Variants in WWP2 observed in about 807,000 individuals in gnomAD.
WWP2 encodes NEDD4-like E3 ubiquitin-protein ligase WWP2.
Under a neutral mutation model 121.0 loss-of-function variants are expected in WWP2, and 57 were observed. The observed-to-expected ratio is 0.47, with a 90% CI of 0.38 to 0.59. The LOEUF (loss-of-function observed/expected upper bound fraction) is 0.59, where lower values mean the gene tolerates loss of function less well. WWP2 is among the 20% of genes least tolerant of loss of function. The pLI is 0.00. For synonymous variants in WWP2, 449 were observed against 441.3 expected, an observed-to-expected ratio of 1.02 and a Z score of -0.22; for missense variants, 962 against 1,158.9, an observed-to-expected ratio of 0.83 and a Z score of 2.47.
At chr16:69,803,585 T>G (rs187680794) in intron 4 of WWP2, among the ~76,000 whole-genome samples, 1 of 151,368 alleles carries the variant, frequency 6.6e-6, no homozygotes, top group Non-Finnish European at 1.5e-5. Flanking sequence ...CCTGCTTTTT[T>G]GTGTGTGTGT....
intron 8 of WWP2, among the ~76,000 whole-genome samples, chr16:69,904,989 T>C (rs367985538): frequency 1.1e-4 from 17 of 152,016 alleles, no homozygotes; most frequent in African/African-American, 4.1e-4. Context: ...AAATTAGGAG[T>C]ATATGTTTTT....
chr16:69,872,890 G>C (rs1014177396), intron 7 of WWP2, among the ~76,000 whole-genome samples: 2 of 152,182 alleles, frequency 1.3e-5, no homozygotes, highest in South Asian at 4.1e-4. Context: ...TCTCTCATCA[G>C]GACAGAGTCA....
At chr16:69,917,480 G>A (rs1201983684) in intron 9 of WWP2, 1 of 454,294 alleles carries the variant, frequency 2.2e-6, no homozygotes, top group Non-Finnish European at 3.9e-6. Context: ...TGGGAACAGA[G>A]TCAGCTTCCC....
chr16:69,771,376 A>G (rs1197556884), intron 1 of WWP2, among the ~76,000 whole-genome samples: 1 of 152,100 alleles, frequency 6.6e-6, no homozygotes, highest in Non-Finnish European at 1.5e-5. Context: ...GCTCCTGAGT[A>G]GCTGGGATTA....
chr16:69,779,867 C>G (rs1320045136), intron 1 of WWP2, among the ~76,000 whole-genome samples: 3 of 152,170 alleles, frequency 2.0e-5, no homozygotes, highest in Non-Finnish European at 4.4e-5. Flanking sequence ...AAGATACGAT[C>G]TTTTGCTTCC....
At chr16:69,878,536 T>A (rs561382256) in intron 7 of WWP2, among the ~76,000 whole-genome samples, 1 of 152,304 alleles carries the variant, frequency 6.6e-6, no homozygotes, top group East Asian at 1.9e-4. Context: ...TTTTTTAAAA[T>A]TTTCTTATAG....
At position 69,799,624 on chromosome 16, in the gene WWP2, C is replaced by A. The variant is rs8046469; in HGVS notation, c.340+329C>A. The A allele has an allele frequency of 0.029, 7,369 of 257,090 alleles. 560 individuals carry two copies. The highest frequency in any genetic ancestry group is 0.15 in the African/African-American group (6,917 of 45,172). The allele number at this position is 257,090 out of a possible 1,614,324, so 15.9% of individuals were successfully genotyped here. On this transcript the variant is annotated intron_variant, in intron 4 of 23. Transcript: ENST00000359154. The surrounding 1 kb of genome is among the most constrained non-coding windows in gnomAD (Gnocchi z 4.5). ...TATGTTGAATGAAACTGTCAAATACCTCTAGCCTAAATCATTGCTTTTCTA... is the reference window on the plus strand; with the variant it reads ...TATGTTGAATGAAACTGTCAAATACATCTAGCCTAAATCATTGCTTTTCTA...
chr16:69,905,863 T>G (rs922744905), intron 8 of WWP2, among the ~76,000 whole-genome samples: 4 of 152,180 alleles, frequency 2.6e-5, no homozygotes, highest in African/African-American at 9.7e-5. Flanking sequence ...AGAGCTGAGT[T>G]TGAATCCCAT....
chr16:69,930,167 A>G lies in WWP2; in HGVS notation c.1354A>G (p.Met452Val). 4 of 1,613,976 alleles carry G rather than the reference A, an allele frequency of 2.5e-6. No homozygotes were observed. Among genetic ancestry groups the G allele is most frequent in the Non-Finnish European group, 3.4e-6 (4 of 1,179,972 alleles). Reference sequence around the variant, plus strand: ...ACCAGCTCTGCCCCCAGGATGGGAGATGAAATACACCAGCGAGGGGGTGCG... The same window carrying G: ...ACCAGCTCTGCCCCCAGGATGGGAGGTGAAATACACCAGCGAGGGGGTGCG... ...QEPALPPGWE[M>V]KYTSEGVRYF... Residue 452 changes from methionine (M) to valine (V), a missense_variant, in exon 13 of 24, where the codon ATG becomes GTG. By Grantham distance (21) the Met-to-Val change is conservative. This residue lies in a region of WWP2 where 606 missense variants were observed against 772.6 expected (regional missense o/e 0.78). Coordinates refer to ENST00000359154, the MANE Select transcript of WWP2 (RefSeq NM_001270454.2).
chr16:69,809,632 G>A (rs1028173316), intron 4 of WWP2, among the ~76,000 whole-genome samples: 1 of 152,136 alleles, frequency 6.6e-6, no homozygotes, highest in African/African-American at 2.4e-5. Context: ...GCTGGACGTG[G>A]TGGTGTGTAT....
intron 6 of WWP2, among the ~76,000 whole-genome samples, chr16:69,868,187 G>C (rs948748433): frequency 6.6e-6 from 1 of 152,180 alleles, no homozygotes; most frequent in Non-Finnish European, 1.5e-5. Flanking sequence ...GTGTGTGTTG[G>C]GGGGTGGTGG....
intron 6 of WWP2, among the ~76,000 whole-genome samples, chr16:69,856,119 A>G (rs911903881): frequency 1.5e-4 from 23 of 152,204 alleles, no homozygotes; most frequent in Non-Finnish European, 3.2e-4. Flanking sequence ...AAAAAGATGT[A>G]TATTTATTTG....
intron 7 of WWP2, among the ~76,000 whole-genome samples, chr16:69,882,545 C>T (rs556289445): frequency 7.9e-5 from 12 of 152,330 alleles, no homozygotes; most frequent in African/African-American, 1.4e-4. Context: ...AACCACACAT[C>T]AGCAAAGTCA....
rs571652248 is a variant in WWP2 at position 69,885,941 on chromosome 16, A to C, written c.704-2098A>C. Among the ~76,000 whole-genome samples the C allele has an allele frequency of 2.0e-5, 3 of 152,226 alleles. No homozygotes were observed. In the East Asian group the frequency reaches 5.8e-4, roughly 29 times the overall value. On this transcript the variant is annotated intron_variant, in intron 7 of 23. Transcript: ENST00000359154. ...TCTGATTTATTATGTTTAGTTCCTG[A>C]TATGATTAGCTAGAAGAGGCAGTAG...
intron 1 of WWP2, among the ~76,000 whole-genome samples, chr16:69,765,699 G>T (rs1234500169): frequency 6.6e-6 from 1 of 152,078 alleles, no homozygotes; most frequent in Non-Finnish European, 1.5e-5. Flanking sequence ...TGGCACATGT[G>T]TCTAATTCCA....
At chr16:69,900,454 C>T (rs1483839755) in intron 8 of WWP2, among the ~76,000 whole-genome samples, 10 of 152,174 alleles carry the variant, frequency 6.6e-5, no homozygotes, top group Non-Finnish European at 1.2e-4. Flanking sequence ...TATGGCGAGA[C>T]TCTGTCTCTA....
chr16:69,850,073 G>A (rs1401588056), intron 6 of WWP2, among the ~76,000 whole-genome samples: 1 of 152,118 alleles, frequency 6.6e-6, no homozygotes. Flanking sequence ...GCCAGGCTCT[G>A]AGCTGTCGTG....
chr16:69,789,847 G>A (rs1209798419), intron 2 of WWP2, among the ~76,000 whole-genome samples: 1 of 152,090 alleles, frequency 6.6e-6, no homozygotes, highest in African/African-American at 2.4e-5. Context: ...GAGGGTCAGG[G>A]GTGCTGATTC....
chr16:69,877,284 C>G (rs150871122), intron 7 of WWP2, among the ~76,000 whole-genome samples: 15 of 152,316 alleles, frequency 9.8e-5, no homozygotes, highest in African/African-American at 3.4e-4. Flanking sequence ...TTTGAGGGAT[C>G]TTTCCTTAAA....
Sources: gnomAD v4.1 joint callset for allele counts (sites outside exome capture counted in the v4.1 genomes callset) on GRCh38, gnomAD v4.1.1 for gene constraint, gnomAD v4.1.1 regional missense constraint, Gnocchi (gnomAD v3.1) non-coding constraint, MANE v1.5 for transcripts, NCBI Gene and HGNC (gene_info 2026-07-23, HGNC 2026-07-21) for gene names.